DPF3: variants seen among roughly 807,000 people sequenced by gnomAD.
The protein encoded by DPF3 is double PHD fingers 3.
In DPF3, 18 loss-of-function variants were observed where a neutral mutation model predicts 56.8. The ratio of observed to expected loss-of-function variants is 0.32; its 90% CI spans 0.22 to 0.47. The LOEUF (loss-of-function observed/expected upper bound fraction) is 0.47, where lower values mean the gene tolerates loss of function less well. DPF3 is among the 20% of genes least tolerant of loss of function. DPF3 has a pLI of 1.00. For missense variants in DPF3, 403 were observed against 488.8 expected, an observed-to-expected ratio of 0.82 and a Z score of 1.65; for synonymous variants, 188 against 180.2, an observed-to-expected ratio of 1.04 and a Z score of -0.35.
intron 3 of DPF3, among the ~76,000 whole-genome samples, chr14:72,737,812 C>T (rs1399237940): frequency 6.6e-6 from 1 of 152,084 alleles, no homozygotes; most frequent in Non-Finnish European, 1.5e-5. Context: ...GATGCAGGGG[C>T]CTGGAGATAG....
chr14:72,675,940 A>C (rs1289417203), intron 7 of DPF3, among the ~76,000 whole-genome samples: 1 of 152,224 alleles, frequency 6.6e-6, no homozygotes, highest in Non-Finnish European at 1.5e-5. Context: ...AAAAAGCAGT[A>C]TATCTGCAAA....
chr14:72,893,022 AGGAT>A lies in DPF3; in HGVS notation c.32+1031_32+1034del, dbSNP rs1567273915. 3.1e-4 allele frequency among the ~76,000 whole-genome samples: 41 copies of A among 130,992 alleles called. 1 individual carries two copies. Among genetic ancestry groups the A allele is most frequent in the African/African-American group, 8.6e-5 (3 of 34,744 alleles). The allele number at this position is 130,992 out of a possible 152,430, so 85.9% of individuals were successfully genotyped here. ...AAGGAAGGAAGGAAGGAAGGAAGGAAGGATGAAAAGGAGGAGGAAGGCAGGCAGG... is the reference window on the plus strand; with the variant it reads ...AAGGAAGGAAGGAAGGAAGGAAGGAAGAAAAGGAGGAGGAAGGCAGGCAGG... On this transcript the variant is annotated intron_variant, in intron 1 of 10. Coordinates refer to ENST00000556509, the MANE Select transcript of DPF3 (RefSeq NM_001280542.3).
intron 1 of DPF3, among the ~76,000 whole-genome samples, chr14:72,877,873 G>A (rs1886174898): frequency 2.0e-5 from 3 of 152,208 alleles, no homozygotes; most frequent in African/African-American, 7.2e-5. Flanking sequence ...GACAGAATAT[G>A]TATAAGTATC....
chr14:72,637,893 G>A (rs1021452047), intron 8 of DPF3, among the ~76,000 whole-genome samples: 5 of 108,588 alleles, frequency 4.6e-5, no homozygotes, highest in Admixed American at 2.5e-4. Flanking sequence ...AGCCCAGTCC[G>A]ATCCAATGTC....
chr14:72,713,776 C>A (rs1164351389), intron 6 of DPF3, among the ~76,000 whole-genome samples: 1 of 152,194 alleles, frequency 6.6e-6, no homozygotes, highest in African/African-American at 2.4e-5. Flanking sequence ...CCACCCACTG[C>A]CCTGGCTCCC....
rs529545401 is a variant in DPF3, at chr14:72,620,869, T to C, written c.985-885A>G. Among the ~76,000 whole-genome samples, 15 of 152,338 alleles carry C rather than the reference T, an allele frequency of 9.8e-5. No homozygotes were observed. In the East Asian group the frequency reaches 2.1e-3, roughly 22 times the overall value. ...CACGTTTGTTTTCTTGGCTGGGCGCTGTGGCGCATGCCTGTAATCCCAGCA... is the reference window on the plus strand; with the variant it reads ...CACGTTTGTTTTCTTGGCTGGGCGCCGTGGCGCATGCCTGTAATCCCAGCA... On this transcript the variant is annotated intron_variant, in intron 9 of 10. Coordinates refer to ENST00000556509, the MANE Select transcript of DPF3 (RefSeq NM_001280542.3).
rs965408166 is a variant in DPF3, at chr14:72,795,623, G to C, written c.33-23730C>G. ...CAGTCACTAAATAAACCAGTTTGAC[G>C]TGAAGTACTTGGCTATCAGCAAATA... is the stretch of plus-strand genomic sequence containing the variant. On this transcript the variant is annotated intron_variant, in intron 1 of 10. Coordinates refer to ENST00000556509, the MANE Select transcript of DPF3 (RefSeq NM_001280542.3). 1.3e-5 allele frequency among the ~76,000 whole-genome samples: 2 copies of C among 152,074 alleles called. 1 individual carries two copies. The highest frequency in any genetic ancestry group is 4.8e-5 in the African/African-American group (2 of 41,422).
intron 1 of DPF3, among the ~76,000 whole-genome samples, chr14:72,893,062 CT>C (rs1246099760): frequency 6.6e-6 from 1 of 152,188 alleles, no homozygotes; most frequent in Non-Finnish European, 1.5e-5. Context: ...CAGAAATTGG[CT>C]GTTGGACCCG....
intron 2 of DPF3, among the ~76,000 whole-genome samples, chr14:72,771,410 C>T (rs1891526225): frequency 6.6e-6 from 1 of 152,064 alleles, no homozygotes; most frequent in Non-Finnish European, 1.5e-5. Context: ...TAACCAACAC[C>T]CAAAGGTAAA....
intron 8 of DPF3, among the ~76,000 whole-genome samples, chr14:72,669,684 C>G (rs1886585066): frequency 6.6e-6 from 1 of 152,112 alleles, no homozygotes; most frequent in Admixed American, 6.5e-5. Context: ...AAGCCAGAAG[C>G]CTGCCATTCT....
chr14:72,615,351 A>C lies in DPF3; in HGVS notation c.*3946T>G, dbSNP rs1884029660. Among the ~76,000 whole-genome samples the C allele has an allele frequency of 6.6e-6, 1 of 152,180 alleles. No homozygotes were observed. Among genetic ancestry groups the C allele is most frequent in the African/African-American group, 2.4e-5 (1 of 41,452 alleles). On this transcript the variant is annotated 3_prime_UTR_variant, in exon 11 of 11. Coordinates refer to ENST00000556509, the MANE Select transcript of DPF3 (RefSeq NM_001280542.3). ...CCTTTCTTCAGCGGCATAAAAGAGC[A>C]CAGGTCTCCTCCACTTGCCCCGAAA...
chr14:72,861,801 A>AAGAAAGAAAG lies in DPF3; in HGVS notation c.32+32255_32+32256insCTTTCTTTCT, dbSNP rs1567261330. ...AAAGAAAGAAAGAAAGAAAGAAAGA[A>AAGAAAGAAAG]AGAAGGAAAGAATTTGGAAAAACAG... On this transcript the variant is annotated intron_variant, in intron 1 of 10. Coordinates refer to ENST00000556509, the MANE Select transcript of DPF3 (RefSeq NM_001280542.3). 4.5e-3 allele frequency among the ~76,000 whole-genome samples: 677 copies of AAGAAAGAAAG among 150,214 alleles called. 6 individuals are homozygous for AAGAAAGAAAG. The highest frequency in any genetic ancestry group is 0.016 in the African/African-American group (643 of 39,662).
chr14:72,837,509 G>A (rs973713129), intron 1 of DPF3, among the ~76,000 whole-genome samples: 3 of 151,936 alleles, frequency 2.0e-5, no homozygotes, highest in Non-Finnish European at 4.4e-5. Context: ...AAGCCGAGGC[G>A]GGTGGATCAT....
chr14:72,663,783 C>T (rs1476326503), intron 8 of DPF3, among the ~76,000 whole-genome samples: 1 of 152,012 alleles, frequency 6.6e-6, no homozygotes, highest in East Asian at 1.9e-4. Context: ...AATGGCCAAG[C>T]CAGCAAGGAA....
At chr14:72,733,134 G>A (rs1002390328) in intron 3 of DPF3, among the ~76,000 whole-genome samples, 8 of 152,020 alleles carry the variant, frequency 5.3e-5, no homozygotes, top group Non-Finnish European at 8.8e-5. Context: ...AGGTACAGGA[G>A]ATCATTCTGA....
intron 2 of DPF3, among the ~76,000 whole-genome samples, chr14:72,755,636 T>C (rs1195823721): frequency 6.6e-6 from 1 of 152,336 alleles, no homozygotes; most frequent in South Asian, 2.1e-4. Context: ...CAGTTGTTAA[T>C]TGTCATGAGT....
At chr14:72,844,674 T>A (rs1025971634) in intron 1 of DPF3, among the ~76,000 whole-genome samples, 1 of 152,124 alleles carries the variant, frequency 6.6e-6, no homozygotes, top group Non-Finnish European at 1.5e-5. Context: ...ATAATTATGA[T>A]CACAAGAGGA....
At position 72,612,206 on chromosome 14, in the gene DPF3, G is replaced by A. The variant is rs762525249; in HGVS notation, c.*7091C>T. Among the ~76,000 whole-genome samples, 17 of 152,104 alleles carry A rather than the reference G, an allele frequency of 1.1e-4. No individual in the cohort carries two copies. Among genetic ancestry groups the A allele is most frequent in the Non-Finnish European group, 2.4e-4 (16 of 68,006 alleles). On this transcript the variant is annotated 3_prime_UTR_variant, in exon 11 of 11. Coordinates refer to ENST00000556509, the MANE Select transcript of DPF3 (RefSeq NM_001280542.3). ...TTGGATGGACTCTGTTCCCTTTCCT[G>A]GCCAGAGGAGCACAAATGCCCCCTA... is the stretch of plus-strand genomic sequence containing the variant.
At chr14:72,650,079 T>C (rs1270439134) in intron 8 of DPF3, among the ~76,000 whole-genome samples, 1 of 152,124 alleles carries the variant, frequency 6.6e-6, no homozygotes, top group Non-Finnish European at 1.5e-5. Context: ...CCACCTGTGC[T>C]AAAGTCCTGC....
Sources: allele counts gnomAD v4.1 joint callset (sites outside exome capture counted in the v4.1 genomes callset), GRCh38; gene constraint gnomAD v4.1.1; transcripts MANE v1.5; gene names NCBI Gene and HGNC (gene_info 2026-07-23, HGNC 2026-07-21).